RFWD3: variants seen among roughly 807,000 people sequenced by gnomAD.
RFWD3 encodes the protein E3 ubiquitin-protein ligase RFWD3.
A neutral mutation model predicts 87.7 loss-of-function variants in RFWD3; 65 were observed. That is an observed-to-expected ratio of 0.74 (90% CI 0.61 to 0.91). RFWD3 has a LOEUF of 0.91. RFWD3 is among the 40% of genes least tolerant of loss of function. RFWD3 has a pLI of 0.00. For missense variants in RFWD3, 1,078 were observed against 938.5 expected (o/e 1.15, Z -1.94); for synonymous variants, 433 against 352.8 (o/e 1.23, Z -2.55).
At chr16:74,643,850 G>C (rs555658508) in intron 6 of RFWD3, 3 of 163,212 alleles carry the variant, frequency 1.8e-5, no homozygotes, top group South Asian at 3.2e-4. Context: ...TAATTTTTTT[G>C]TATTTTTTAG....
At chr16:74,624,125 C>G (rs1237015503) in intron 12 of RFWD3, 54 bp from the exon 13 acceptor site, 1 of 1,566,754 alleles carries the variant, frequency 6.4e-7, no homozygotes, top group African/African-American at 1.4e-5. Flanking sequence ...CACGAAGGGA[C>G]TTCCATTCTT....
chr16:74,655,430 G>A (rs1432450146), intron 2 of RFWD3, among the ~76,000 whole-genome samples: 2 of 150,210 alleles, frequency 1.3e-5, no homozygotes, highest in Non-Finnish European at 3.0e-5. Flanking sequence ...TGTATTTTTA[G>A]TAGAGATGAG....
Position 74,636,597 on chromosome 16 carries a change from A to G in RFWD3, c.1195-20T>C. On this transcript the variant is annotated intron_variant, in intron 7 of 12. Coordinates refer to ENST00000361070, the MANE Select transcript of RFWD3 (RefSeq NM_018124.4). Reference sequence around the variant, plus strand: ...CAAGTCCTAAAATGAAAAAGATTTTATAAATACAAAGCTTTTTAATTTGAT... The same window carrying G: ...CAAGTCCTAAAATGAAAAAGATTTTGTAAATACAAAGCTTTTTAATTTGAT... 1 of 1,553,344 alleles carries G rather than the reference A, an allele frequency of 6.4e-7. No homozygotes were observed. The highest frequency in any genetic ancestry group is 8.8e-7 in the Non-Finnish European group (1 of 1,130,928).
chr16:74,649,173 C>T lies in RFWD3; in HGVS notation c.751G>A (p.Glu251Lys). The T allele has an allele frequency of 6.4e-7, 1 of 1,569,272 alleles. No homozygotes were observed. The highest frequency in any genetic ancestry group is 8.6e-7 in the Non-Finnish European group (1 of 1,165,650). Residue 251 changes from glutamate to lysine, a missense_variant, in exon 4 of 13, where the codon GAA (glutamate) becomes AAA (lysine). Transcript: ENST00000361070. ...EQLAGVSAEQ[E>K]VTCIDGGKTL... Reference sequence around the variant, plus strand: ...TTGCCTCCATCGATACATGTAACTTCTTGCTCTGCTGAGACACCTGCTAGT... The same window carrying T: ...TTGCCTCCATCGATACATGTAACTTTTTGCTCTGCTGAGACACCTGCTAGT...
chr16:74,624,121 G>A (rs762890817), intron 12 of RFWD3, 50 bp from the exon 13 acceptor site: 10 of 1,582,940 alleles, frequency 6.3e-6, no homozygotes, highest in Non-Finnish European at 7.7e-6. Context: ...AGTACACGAA[G>A]GGACTTCCAT....
chr16:74,649,985 C>T (rs1186550536), intron 3 of RFWD3, among the ~76,000 whole-genome samples: 1 of 152,128 alleles, frequency 6.6e-6, no homozygotes, highest in Non-Finnish European at 1.5e-5. Flanking sequence ...TTCTATCAGC[C>T]CACAAAGATC....
chr16:74,636,712 G>A, intron 7 of RFWD3, 135 bp from the exon 8 acceptor site: 1 of 717,852 alleles, frequency 1.4e-6, no homozygotes, highest in Non-Finnish European at 2.2e-6. Flanking sequence ...GAGAACTGCA[G>A]AGTTTTTGTT....
At chr16:74,653,644 C>T (rs932454582) in intron 2 of RFWD3, among the ~76,000 whole-genome samples, 2 of 152,106 alleles carry the variant, frequency 1.3e-5, no homozygotes, top group Non-Finnish European at 2.9e-5. Context: ...AAGACACCAT[C>T]TCTATTAAAA....
intron 12 of RFWD3, 69 bp from the exon 13 acceptor site, chr16:74,624,140 A>G: frequency 6.5e-7 from 1 of 1,535,768 alleles, no homozygotes; most frequent in Middle Eastern, 2.0e-4. Context: ...ATTCTTCATC[A>G]TCTAACAAGT....
chr16:74,625,727 G>C (rs943820373), intron 12 of RFWD3, among the ~76,000 whole-genome samples: 1 of 152,224 alleles, frequency 6.6e-6, no homozygotes, highest in African/African-American at 2.4e-5. Context: ...AGCTTCTAGA[G>C]TGGCACTATA....
chr16:74,637,284 TACTTAA>T (rs1472008538), intron 7 of RFWD3, among the ~76,000 whole-genome samples: 8 of 152,148 alleles, frequency 5.3e-5, no homozygotes, highest in African/African-American at 1.9e-4. Context: ...AAGGTAAAAT[TACTTAA>T]ACAAGTTTGG....
In RFWD3 at chr16:74,638,537, T is replaced by C. The variant is rs948587237; in HGVS notation, c.1080-567A>G. ...TGTACCTAAAAACAGTCTCAAAATA[T>C]GAAATGCAAAGACAGAATTCCACTC... On this transcript the variant is annotated intron_variant, in intron 6 of 12. Coordinates refer to ENST00000361070, the MANE Select transcript of RFWD3 (RefSeq NM_018124.4). Among the ~76,000 whole-genome samples, 11 of 152,056 alleles carry C rather than the reference T, an allele frequency of 7.2e-5. 2 individuals are homozygous for C. Among genetic ancestry groups the C allele is most frequent in the African/African-American group, 2.4e-5 (1 of 41,484 alleles).
chr16:74,659,587 T>A (rs894699418), intron 2 of RFWD3, among the ~76,000 whole-genome samples: 3 of 130,670 alleles, frequency 2.3e-5, no homozygotes, highest in South Asian at 5.3e-4. Flanking sequence ...AGAGCAAGAC[T>A]CTTGTCTTAA....
intron 2 of RFWD3, among the ~76,000 whole-genome samples, chr16:74,659,054 C>A (rs998292331): frequency 1.3e-5 from 2 of 152,158 alleles, no homozygotes; most frequent in African/African-American, 4.8e-5. Flanking sequence ...GCCACTATGC[C>A]CAGCCACATC....
rs200006159 is a variant in RFWD3 at position 74,651,965 on chromosome 16, C to T, written c.676G>A (p.Gly226Arg). The part of the protein sequence containing the change: ...SDSDSSAEYG[G>R]VVDQAEESGA... ...GATTCCTCTGCCTGGTCAACAACCC[C>T]TCCATACTCTGCAGAGCTGTCACTG... is the stretch of plus-strand genomic sequence containing the variant. The change falls in exon 3 of 13, where the codon GGG (glycine) becomes AGG (arginine). Residue 226 changes from glycine (G) to arginine (R), a missense_variant. Coordinates refer to ENST00000361070, the MANE Select transcript of RFWD3 (RefSeq NM_018124.4). 94 of 1,614,000 alleles carry T rather than the reference C, an allele frequency of 5.8e-5. No homozygotes were observed. The highest frequency in any genetic ancestry group is 4.5e-4 in the Admixed American group (27 of 60,000).
At chr16:74,664,074 T>C (rs530005288) in intron 1 of RFWD3, among the ~76,000 whole-genome samples, 8 of 152,246 alleles carry the variant, frequency 5.3e-5, no homozygotes, top group Admixed American at 2.0e-4. Context: ...TGAAAATAAG[T>C]GGGAAAGAAA....
At chr16:74,664,462 C>G (rs1171345323) in intron 1 of RFWD3, 1 of 152,102 alleles carries the variant, frequency 6.6e-6, no homozygotes, top group East Asian at 1.9e-4. Context: ...AAATAAAAAT[C>G]AAATTCGGCC....
chr16:74,666,203 TAGATAGATAGATA>T (rs1567591735), intron 1 of RFWD3: 1 of 150,326 alleles, frequency 6.7e-6, no homozygotes, highest in African/African-American at 2.5e-5. Context: ...GATAGATAGA[TAGATAGATAGATA>T]GATAGATTGA....
In RFWD3 at chr16:74,631,463, A is replaced by ACTCT. The variant is rs56056110; in HGVS notation, c.1578-510_1578-507dup. 4.3e-3 allele frequency among the ~76,000 whole-genome samples: 653 copies of ACTCT among 150,260 alleles called. 5 individuals carry two copies. Among genetic ancestry groups the ACTCT allele is most frequent in the African/African-American group, 6.1e-3 (250 of 40,884 alleles). ...ACTCCAGCCTGGGTGACAGAGTGAG[A>ACTCT]CTCTCTCTCTCTCTCAAAAATAAAT... On this transcript the variant is annotated intron_variant, in intron 9 of 12. Coordinates refer to ENST00000361070, the MANE Select transcript of RFWD3 (RefSeq NM_018124.4).
Sources: allele counts gnomAD v4.1 joint callset (sites outside exome capture counted in the v4.1 genomes callset), GRCh38; gene constraint gnomAD v4.1.1; transcripts MANE v1.5; gene names NCBI Gene and HGNC (gene_info 2026-07-23, HGNC 2026-07-21).